The following PTCHD4 variants were observed in gnomAD, a reference collection of about 807,000 sequenced individuals.
PTCHD4 encodes the protein patched domain containing 4.
A neutral mutation model predicts 58.1 loss-of-function variants in PTCHD4; 33 were observed. That is an observed-to-expected ratio of 0.57 (90% CI 0.43 to 0.76). The LOEUF is 0.76. PTCHD4 is among the 30% of genes least tolerant of loss of function. PTCHD4 has a pLI of 0.00. For missense variants in PTCHD4, 1,058 were observed against 1,027.1 expected (o/e 1.03, Z -0.41); for synonymous variants, 478 against 409.6 (o/e 1.17, Z -2.02).
chr6:47,932,950 T>G (rs989301971), intron 4 of PTCHD4, among the ~76,000 whole-genome samples: 8 of 152,228 alleles, frequency 5.3e-5, no homozygotes, highest in East Asian at 1.9e-4. Context: ...CTAAGTTTTT[T>G]GTATTATTAA....
intron 3 of PTCHD4, among the ~76,000 whole-genome samples, chr6:48,014,425 T>C (rs1762796650): frequency 6.6e-6 from 1 of 152,134 alleles, no homozygotes; most frequent in East Asian, 1.9e-4. Flanking sequence ...TTCCTTGAAG[T>C]TATGACTACA....
chr6:48,068,399 C>A lies in PTCHD4; in HGVS notation c.248G>T (p.Ser83Ile). The A allele has an allele frequency of 6.2e-7, 1 of 1,613,972 alleles. No homozygotes were observed. The highest frequency in any genetic ancestry group is 8.5e-7 in the Non-Finnish European group (1 of 1,179,884). ...PSHSLAKIER[S>I]LASSLFPLDQ... ...CAGGGGGAAAAGGCTGCTGGCCAGG[C>A]TGCGCTCGATCTTGGCCAGGCTGTG... The change falls in exon 3 of 5, where the codon AGC becomes ATC. Residue 83 changes from serine (S) to isoleucine (I), a missense_variant. Physicochemically the swap from Ser to Ile is moderately radical, Grantham distance 142. Coordinates refer to ENST00000339488, the MANE Select transcript of PTCHD4 (RefSeq NM_001384253.1). The surrounding 1 kb of genome is among the most constrained non-coding windows in gnomAD (Gnocchi z 4.2).
At chr6:47,924,989 GTATATGCTTTTAATATATATGTA>G (rs939490712) in intron 4 of PTCHD4, among the ~76,000 whole-genome samples, 1 of 148,588 alleles carries the variant, frequency 6.7e-6, no homozygotes, top group South Asian at 2.1e-4. Flanking sequence ...TTATATATAT[GTATATGCTTTTAATATATATGTA>G]TATATGCTTT....
chr6:48,043,575 T>C (rs905718450), intron 3 of PTCHD4, among the ~76,000 whole-genome samples: 10 of 151,926 alleles, frequency 6.6e-5, no homozygotes, highest in African/African-American at 1.4e-4. Context: ...TTTGCTATAA[T>C]GCATTTTCTT....
At chr6:48,082,866 A>G (rs1398789428) in intron 1 of PTCHD4, among the ~76,000 whole-genome samples, 1 of 152,044 alleles carries the variant, frequency 6.6e-6, no homozygotes, top group African/African-American at 2.4e-5. Flanking sequence ...TTATTTTGAT[A>G]TAATTTAGTG....
At chr6:47,984,270 A>C (rs1767985769) in intron 4 of PTCHD4, among the ~76,000 whole-genome samples, 1 of 152,216 alleles carries the variant, frequency 6.6e-6, no homozygotes, top group Non-Finnish European at 1.5e-5. Context: ...TAATTGACTC[A>C]CAGTTCCTCA....
intron 4 of PTCHD4, among the ~76,000 whole-genome samples, chr6:47,962,780 T>G (rs1767144307): frequency 6.6e-6 from 1 of 151,248 alleles, no homozygotes; most frequent in Non-Finnish European, 1.5e-5. Context: ...ATACCATATA[T>G]CTAATGAGGA....
At chr6:48,025,581 A>G (rs1763217448) in intron 3 of PTCHD4, among the ~76,000 whole-genome samples, 1 of 152,184 alleles carries the variant, frequency 6.6e-6, no homozygotes, top group Admixed American at 6.6e-5. Flanking sequence ...AAAACAATCT[A>G]ACATTCTTCA....
chr6:47,914,740 TC>T (rs1180165959), intron 4 of PTCHD4, among the ~76,000 whole-genome samples: 10,894 of 145,690 alleles, frequency 0.075, 440 homozygotes, highest in Middle Eastern at 0.15. Flanking sequence ...CTATTATCTA[TC>T]TATTATCTAT....
chr6:48,084,247 ATC>A (rs1480692752), intron 1 of PTCHD4, among the ~76,000 whole-genome samples: 1 of 152,184 alleles, frequency 6.6e-6, no homozygotes, highest in African/African-American at 2.4e-5. Flanking sequence ...AATAAAAGGA[ATC>A]TCTGTATTCT....
rs563325352 is a variant in PTCHD4 at position 47,866,824 on chromosome 6, A to C, written c.*11479T>G. On this transcript the variant is annotated 3_prime_UTR_variant, in exon 5 of 5. Transcript: ENST00000339488. ...TGTACCTTATGTGATCTTCAAAGAAAGCATCAGTGAATCATAAGGAAGTGA... is the reference window on the plus strand; with the variant it reads ...TGTACCTTATGTGATCTTCAAAGAACGCATCAGTGAATCATAAGGAAGTGA... 9.2e-5 allele frequency among the ~76,000 whole-genome samples: 14 copies of C among 152,004 alleles called. 2 individuals are homozygous for C. In the South Asian group the frequency reaches 2.9e-3, roughly 32 times the overall value.
intron 4 of PTCHD4, among the ~76,000 whole-genome samples, chr6:47,936,470 G>T (rs1766003314): frequency 6.6e-6 from 1 of 152,182 alleles, no homozygotes; most frequent in Non-Finnish European, 1.5e-5. Flanking sequence ...CTGATACCAT[G>T]ACTCTCTCTT....
At chr6:48,103,098 G>T (rs966437588) in intron 1 of PTCHD4, among the ~76,000 whole-genome samples, 1 of 152,238 alleles carries the variant, frequency 6.6e-6, no homozygotes, top group Non-Finnish European at 1.5e-5. Context: ...TAGCTTTGAA[G>T]AGAGTAGTGG....
intron 4 of PTCHD4, among the ~76,000 whole-genome samples, chr6:47,906,267 G>C (rs1486199304): frequency 6.6e-6 from 1 of 152,146 alleles, no homozygotes; most frequent in African/African-American, 2.4e-5. Context: ...TGAAGTTTCA[G>C]TTAGGCCAGT....
At chr6:48,030,802 C>A (rs1183198760) in intron 3 of PTCHD4, among the ~76,000 whole-genome samples, 1 of 152,116 alleles carries the variant, frequency 6.6e-6, no homozygotes, top group Admixed American at 6.6e-5. Context: ...TGACTGCCCT[C>A]TGAACTCAGA....
chr6:48,003,801 T>C (rs1768833749), intron 4 of PTCHD4, among the ~76,000 whole-genome samples: 1 of 152,202 alleles, frequency 6.6e-6, no homozygotes, highest in African/African-American at 2.4e-5. Context: ...GATCAGACTC[T>C]GATCCAGACA....
chr6:48,004,426 G>A (rs969048847), intron 4 of PTCHD4, among the ~76,000 whole-genome samples: 1 of 152,076 alleles, frequency 6.6e-6, no homozygotes, highest in Non-Finnish European at 1.5e-5. Context: ...CACAGAATGA[G>A]CCAGCTTGGC....
At chr6:48,084,528 TG>T in intron 1 of PTCHD4, among the ~76,000 whole-genome samples, 2 of 152,290 alleles carry the variant, frequency 1.3e-5, no homozygotes, top group South Asian at 4.1e-4. Flanking sequence ...GGCAGCACAA[TG>T]CATATAGAAC....
chr6:47,951,126 G>A (rs1356968892), intron 4 of PTCHD4, among the ~76,000 whole-genome samples: 1 of 152,174 alleles, frequency 6.6e-6, no homozygotes, highest in Non-Finnish European at 1.5e-5. Flanking sequence ...TTAAATAGGA[G>A]ATATTGTGGC....
Sources: gnomAD v4.1 joint callset for allele counts (sites outside exome capture counted in the v4.1 genomes callset) on GRCh38, gnomAD v4.1.1 for gene constraint, Gnocchi (gnomAD v3.1) non-coding constraint, MANE v1.5 for transcripts, NCBI Gene and HGNC (gene_info 2026-07-23, HGNC 2026-07-21) for gene names.